ZMYM4: variants seen among roughly 807,000 people sequenced by gnomAD.
The protein encoded by ZMYM4 is zinc finger MYM-type containing 4, also known as zinc finger MYM-type protein 4.
Under a neutral mutation model 183.2 loss-of-function variants are expected in ZMYM4, and 31 were observed. The ratio of observed to expected loss-of-function variants is 0.17; its 90% CI spans 0.13 to 0.23. ZMYM4 has a LOEUF of 0.23. ZMYM4 is among the 10% of genes least tolerant of loss of function. The probability of loss-of-function intolerance (pLI) is 1.00; values close to 1 mark genes in which losing one functional copy is unlikely to be tolerated. For missense variants in ZMYM4, 1,273 were observed against 1,840.3 expected, an observed-to-expected ratio of 0.69 and a Z score of 5.64; for synonymous variants, 592 against 631.2, an observed-to-expected ratio of 0.94 and a Z score of 0.93.
In ZMYM4 at chr1:35,359,149, T is replaced by G; in HGVS notation, c.310T>G (p.Ser104Ala). 6.2e-7 allele frequency: 1 copy of G among 1,613,760 alleles called. No homozygotes were observed. The highest frequency in any genetic ancestry group is 8.5e-7 in the Non-Finnish European group (1 of 1,179,748). Residue 104 changes from serine (S) to alanine (A), a missense_variant, in exon 3 of 30, where the codon TCA becomes GCA. This residue lies in a region of ZMYM4 where 384 missense variants were observed against 465.6 expected (regional missense o/e 0.82). Coordinates refer to ENST00000314607, the MANE Select transcript of ZMYM4 (RefSeq NM_005095.3). ...DFSSKDNLVSSIHTDDSLEVE... is the reference protein window; with the variant it reads ...DFSSKDNLVSAIHTDDSLEVE... The stretch of plus-strand genomic sequence containing the variant: ...TAGTTCAAAGGACAATCTTGTTTCT[T>G]CAATTCATACTGATGATAGCTTGGA...
At chr1:35,307,627 C>T (rs1327959898) in intron 1 of ZMYM4, among the ~76,000 whole-genome samples, 3 of 150,562 alleles carry the variant, frequency 2.0e-5, no homozygotes, top group African/African-American at 4.9e-5. Flanking sequence ...CTCTGCCTCC[C>T]GGGTTCACGC....
chr1:35,357,999 AG>A (rs1365185291), intron 2 of ZMYM4, among the ~76,000 whole-genome samples: 1 of 152,212 alleles, frequency 6.6e-6, no homozygotes. Flanking sequence ...AAGAATCCAA[AG>A]GAATTTTATC....
intron 28 of ZMYM4, among the ~76,000 whole-genome samples, chr1:35,416,053 T>TA (rs1467996458): frequency 1.3e-5 from 2 of 152,226 alleles, no homozygotes; most frequent in African/African-American, 2.4e-5. Context: ...AATCACTAGT[T>TA]AAACGAAACC....
At chr1:35,382,814 AC>A (rs920908694) in intron 9 of ZMYM4, among the ~76,000 whole-genome samples, 13 of 152,156 alleles carry the variant, frequency 8.5e-5, no homozygotes, top group South Asian at 2.1e-4. Context: ...TTAAAAAAAA[AC>A]ATGAAGAAAT....
In ZMYM4 at chr1:35,360,650, T is replaced by A. The variant is rs564136717; in HGVS notation, c.608-544T>A. Among the ~76,000 whole-genome samples, 4 of 152,216 alleles carry A rather than the reference T, an allele frequency of 2.6e-5. No homozygotes were observed. The South Asian group carries it at 8.3e-4, about 32-fold the overall frequency. On this transcript the variant is annotated intron_variant, in intron 3 of 29. Coordinates refer to ENST00000314607, the MANE Select transcript of ZMYM4 (RefSeq NM_005095.3). The stretch of plus-strand genomic sequence containing the variant: ...AAGTCAGGCCGTAGAAGTGCCAATG[T>A]CCAGCTGAATAGCGTAAGATTTAAT...
At chr1:35,312,685 T>TTTTC (rs924279936) in intron 1 of ZMYM4, among the ~76,000 whole-genome samples, 1 of 151,902 alleles carries the variant, frequency 6.6e-6, no homozygotes, top group African/African-American at 2.4e-5. Context: ...CCCTTCTTTC[T>TTTTC]TTTCTTTCTT....
chr1:35,289,460 C>A (rs1640654723), intron 1 of ZMYM4, among the ~76,000 whole-genome samples: 1 of 152,072 alleles, frequency 6.6e-6, no homozygotes, highest in Non-Finnish European at 1.5e-5. Flanking sequence ...TAGTTGGTGG[C>A]ACCATTAATT....
chr1:35,278,070 G>C (rs1308466527), intron 1 of ZMYM4, among the ~76,000 whole-genome samples: 1 of 152,112 alleles, frequency 6.6e-6, no homozygotes, highest in African/African-American at 2.4e-5. Flanking sequence ...AAGAATCTTT[G>C]CTTGTCTCTT....
In ZMYM4 at chr1:35,405,164, A is replaced by C. The variant is rs1188367665; in HGVS notation, c.3670A>C (p.Lys1224Gln). 1 of 1,614,098 alleles carries C rather than the reference A, an allele frequency of 6.2e-7. No individual in the cohort carries two copies. Among genetic ancestry groups the C allele is most frequent in the South Asian group, 1.1e-5 (1 of 91,068 alleles). The change falls in exon 24 of 30, where the codon AAG becomes CAG. Residue 1224 changes from lysine to glutamine, a missense_variant. Physicochemically the swap from Lys to Gln is moderately conservative, Grantham distance 53. Around this residue, in one of 6 missense-constraint regions of ZMYM4, gnomAD observed 133 missense variants for 155.7 expected, o/e 0.85. Coordinates refer to ENST00000314607, the MANE Select transcript of ZMYM4 (RefSeq NM_005095.3). Reference protein sequence around the residue: ...WKNWVQWKNAKEEQGDLKCGG... With the variant: ...WKNWVQWKNAQEEQGDLKCGG... ...GAACTGGGTTCAGTGGAAAAATGCC[A>C]AGGAAGAGCAGGGGGATCTAAAATG...
Position 35,375,918 on chromosome 1 carries a change from G to C in ZMYM4, c.1181+5291G>C, listed in dbSNP as rs376908824. Among the ~76,000 whole-genome samples, 527 of 152,038 alleles carry C rather than the reference G, an allele frequency of 3.5e-3. 2 individuals are homozygous for C. The highest frequency in any genetic ancestry group is 4.8e-3 in the Non-Finnish European group (328 of 67,950). On this transcript the variant is annotated intron_variant, in intron 7 of 29. Coordinates refer to ENST00000314607, the MANE Select transcript of ZMYM4 (RefSeq NM_005095.3). ...CAGTGAAACCTCATCTCTACAAAAA[G>C]TTAAAAAATTAACCAACTGTGGTGC...
intron 26 of ZMYM4, among the ~76,000 whole-genome samples, chr1:35,411,819 T>C (rs1639910209): frequency 6.6e-6 from 1 of 152,212 alleles, no homozygotes; most frequent in African/African-American, 2.4e-5. Context: ...TTACAACATT[T>C]TGGTTACATT....
chr1:35,275,883 G>A (rs1241094379), intron 1 of ZMYM4, among the ~76,000 whole-genome samples: 1 of 151,998 alleles, frequency 6.6e-6, no homozygotes, highest in Non-Finnish European at 1.5e-5. Context: ...AGCAATTTTG[G>A]GGTAGTAATA....
At chr1:35,272,633 G>C (rs751967393) in intron 1 of ZMYM4, among the ~76,000 whole-genome samples, 20 of 152,128 alleles carry the variant, frequency 1.3e-4, no homozygotes, top group Non-Finnish European at 2.1e-4. Flanking sequence ...TTACTCCCCA[G>C]AGTTCTCTCC....
chr1:35,340,063 A>G (rs1270080612), intron 2 of ZMYM4, among the ~76,000 whole-genome samples: 2 of 152,224 alleles, frequency 1.3e-5, no homozygotes, highest in South Asian at 2.1e-4. Context: ...TGTTTTGCCT[A>G]TTCTTGCCCC....
chr1:35,347,179 GTATTTT>G (rs1482768653), intron 2 of ZMYM4, among the ~76,000 whole-genome samples: 1 of 152,064 alleles, frequency 6.6e-6, no homozygotes, highest in Non-Finnish European at 1.5e-5. Context: ...CTAATTACTT[GTATTTT>G]TAGTAGAGAC....
chr1:35,420,411 G>C lies in ZMYM4; in HGVS notation c.*734G>C, dbSNP rs990576293. On this transcript the variant is annotated 3_prime_UTR_variant, in exon 30 of 30. Coordinates refer to ENST00000314607, the MANE Select transcript of ZMYM4 (RefSeq NM_005095.3). ...ATTCCACAAACTAATTATGCACACA[G>C]AAAATCTGTGGAGCCTATCAGACCC... is the stretch of plus-strand genomic sequence containing the variant. 4 of 152,434 alleles carry C rather than the reference G, an allele frequency of 2.6e-5. No homozygotes were observed. The highest frequency in any genetic ancestry group is 5.9e-5 in the Non-Finnish European group (4 of 68,094). The allele number at this position is 152,434 out of a possible 1,614,324, so 9.4% of individuals were successfully genotyped here. A position where few individuals can be genotyped will look rare whatever the true frequency, so the allele number is the denominator to read the frequency against.
At chr1:35,271,298 C>T (rs1156692674) in intron 1 of ZMYM4, among the ~76,000 whole-genome samples, 1 of 151,880 alleles carries the variant, frequency 6.6e-6, no homozygotes, top group Non-Finnish European at 1.5e-5. Context: ...ATATATTCTG[C>T]CTCTTGTCGT....
At chr1:35,362,695 C>A (rs1479727746) in intron 5 of ZMYM4, among the ~76,000 whole-genome samples, 2 of 151,718 alleles carry the variant, frequency 1.3e-5, no homozygotes, top group African/African-American at 4.8e-5. Context: ...TCTTTTCTTT[C>A]TTTTTGTTTT....
chr1:35,273,156 G>A (rs1005483955), intron 1 of ZMYM4, among the ~76,000 whole-genome samples: 1 of 152,096 alleles, frequency 6.6e-6, no homozygotes, highest in Non-Finnish European at 1.5e-5. Flanking sequence ...TTGTGAACAC[G>A]GGGGAGCTGA....
Sources: allele counts gnomAD v4.1 joint callset (sites outside exome capture counted in the v4.1 genomes callset), GRCh38; gene constraint gnomAD v4.1.1; regional missense constraint gnomAD v4.1.1; transcripts MANE v1.5; gene names NCBI Gene and HGNC (gene_info 2026-07-23, HGNC 2026-07-21).